Variants in C8orf89 observed in about 807,000 individuals in gnomAD.
C8orf89 encodes putative uncharacterized protein C8orf89.
C8orf89 carries 14 observed loss-of-function variants against 15.8 expected under a neutral mutation model. That is an observed-to-expected ratio of 0.89 (90% CI 0.59 to 1.39). C8orf89 has a LOEUF of 1.39. Among genes scored for constraint, C8orf89 ranks in the 40% most tolerant of loss-of-function variants. The pLI, the probability that C8orf89 is intolerant of heterozygous loss-of-function variation, is 0.00. For missense variants in C8orf89, 181 were observed against 184.5 expected, an observed-to-expected ratio of 0.98 and a Z score of 0.11; for synonymous variants, 55 against 62.2, an observed-to-expected ratio of 0.88 and a Z score of 0.54.
chr8:73,276,178 C>CTTTTTTTT, the C8orf89 span, among the ~76,000 whole-genome samples: 1 of 131,660 alleles, frequency 7.6e-6, no homozygotes, highest in Non-Finnish European at 1.6e-5. Flanking sequence ...ATTTCTGATG[C>CTTTTTTTT]TTTTTTTTTT....
At chr8:73,259,210 T>C in intron 1 of C8orf89, 122 bp downstream of exon 1, 1 of 575,954 alleles carries the variant, frequency 1.7e-6, no homozygotes, top group Non-Finnish European at 2.7e-6. Context: ...TTTTCATCAA[T>C]TTAAGATATA....
At chr8:73,257,559 G>A (rs1053389717) in intron 1 of C8orf89, among the ~76,000 whole-genome samples, 3 of 152,206 alleles carry the variant, frequency 2.0e-5, no homozygotes, top group African/African-American at 7.2e-5. Flanking sequence ...AGCTAGCAAT[G>A]AGAGTCAAAG....
intron 3 of C8orf89, among the ~76,000 whole-genome samples, chr8:73,247,048 CTTTTA>C (rs542837757): frequency 6.8e-4 from 103 of 152,110 alleles, no homozygotes; most frequent in African/African-American, 2.3e-3. Context: ...TTCTTTTTAA[CTTTTA>C]TTTTAAGTTC....
intron 3 of C8orf89, among the ~76,000 whole-genome samples, chr8:73,245,985 T>C (rs571030386): frequency 1.3e-5 from 2 of 152,302 alleles, no homozygotes; most frequent in South Asian, 2.1e-4. Context: ...GCCATTATAA[T>C]GTGGACACTG....
chr8:73,257,619 C>T (rs148179478), intron 1 of C8orf89, among the ~76,000 whole-genome samples: 1,564 of 152,258 alleles, frequency 0.01, 32 homozygotes, highest in African/African-American at 0.035. Context: ...AAATTCCATA[C>T]CAAATCTGTA....
the C8orf89 span, among the ~76,000 whole-genome samples, chr8:73,268,835 G>T: frequency 6.6e-6 from 1 of 152,170 alleles, no homozygotes; most frequent in Non-Finnish European, 1.5e-5. Flanking sequence ...TGGTACATTG[G>T]GCCTTATTAT....
the C8orf89 span, among the ~76,000 whole-genome samples, chr8:73,276,178 C>CT: frequency 0.76 from 99,712 of 131,584 alleles, 37,974 homozygotes; most frequent in South Asian, 0.9. Flanking sequence ...ATTTCTGATG[C>CT]TTTTTTTTTT....
the C8orf89 span, among the ~76,000 whole-genome samples, chr8:73,281,567 C>T: frequency 2.0e-5 from 3 of 152,198 alleles, no homozygotes; most frequent in East Asian, 1.9e-4. Context: ...GATAAAGCTA[C>T]GTTCAAATTC....
the C8orf89 span, among the ~76,000 whole-genome samples, chr8:73,273,215 A>C: frequency 1.3e-5 from 2 of 152,146 alleles, no homozygotes; most frequent in African/African-American, 4.8e-5. Flanking sequence ...GTGGCGGGGC[A>C]AAAGTCCCAT....
the C8orf89 span, among the ~76,000 whole-genome samples, chr8:73,283,824 G>A: frequency 6.6e-6 from 1 of 152,030 alleles, no homozygotes; most frequent in Admixed American, 6.6e-5. Flanking sequence ...CACATCACCT[G>A]ACATCAGGAG....
At chr8:73,247,691 A>C (rs1468245044) in intron 3 of C8orf89, among the ~76,000 whole-genome samples, 2 of 152,108 alleles carry the variant, frequency 1.3e-5, no homozygotes, top group African/African-American at 4.8e-5. Flanking sequence ...CTCTAATGAT[A>C]AGTGATGTTG....
At chr8:73,255,167 C>A (rs1813342128) in intron 2 of C8orf89, among the ~76,000 whole-genome samples, 1 of 151,946 alleles carries the variant, frequency 6.6e-6, no homozygotes. Flanking sequence ...AAACTACCAT[C>A]AGAGTGAACA....
chr8:73,284,362 C>T, the C8orf89 span, among the ~76,000 whole-genome samples: 9 of 151,694 alleles, frequency 5.9e-5, no homozygotes, highest in Non-Finnish European at 1.0e-4. Flanking sequence ...TACAGGCACG[C>T]GCCACCATGC....
At chr8:73,282,496 T>C in the C8orf89 span, among the ~76,000 whole-genome samples, 3 of 152,166 alleles carry the variant, frequency 2.0e-5, no homozygotes, top group African/African-American at 4.8e-5. Context: ...GAGAATGTAA[T>C]GTAAGTACTC....
chr8:73,282,056 A>C, the C8orf89 span, among the ~76,000 whole-genome samples: 3 of 152,258 alleles, frequency 2.0e-5, no homozygotes, highest in Non-Finnish European at 4.4e-5. Context: ...ATGTTAAATC[A>C]AGAAAATGTT....
the C8orf89 span, among the ~76,000 whole-genome samples, chr8:73,271,662 T>C: frequency 6.6e-6 from 1 of 152,182 alleles, no homozygotes; most frequent in African/African-American, 2.4e-5. Context: ...ACACTAAACA[T>C]ACTAAGACAG....
chr8:73,270,414 G>A, the C8orf89 span, among the ~76,000 whole-genome samples: 5 of 152,170 alleles, frequency 3.3e-5, no homozygotes, highest in African/African-American at 1.2e-4. Flanking sequence ...CACTGATTAA[G>A]AGACCTAATC....
the C8orf89 span, among the ~76,000 whole-genome samples, chr8:73,267,865 A>C: frequency 6.6e-6 from 1 of 152,184 alleles, no homozygotes. Context: ...TGTTTCCTTG[A>C]GGAAGGAAAT....
chr8:73,265,151 A>G, the C8orf89 span, among the ~76,000 whole-genome samples: 1 of 152,196 alleles, frequency 6.6e-6, no homozygotes, highest in African/African-American at 2.4e-5. Context: ...TTGAAATGAT[A>G]CTAGTTTGGA....
Sources: gnomAD v4.1 joint callset for allele counts (sites outside exome capture counted in the v4.1 genomes callset) on GRCh38, gnomAD v4.1.1 for gene constraint, MANE v1.5 for transcripts, NCBI Gene and HGNC (gene_info 2026-07-23, HGNC 2026-07-21) for gene names.